ADAMTS4: variants seen among roughly 807,000 people sequenced by gnomAD.
ADAMTS4 encodes A disintegrin and metalloproteinase with thrombospondin motifs 4.
In ADAMTS4, 38 loss-of-function variants were observed where a neutral mutation model predicts 66.7. The observed-to-expected ratio is 0.57, with a 90% CI of 0.44 to 0.75. The LOEUF (loss-of-function observed/expected upper bound fraction) is 0.75, where lower values mean the gene tolerates loss of function less well. Ranked by LOEUF, ADAMTS4 falls within the 30% of genes least tolerant of loss-of-function variation. The probability of loss-of-function intolerance (pLI) is 0.00; values close to 1 mark genes in which losing one functional copy is unlikely to be tolerated. For missense variants in ADAMTS4, 1,014 were observed against 1,116.7 expected, an observed-to-expected ratio of 0.91 and a Z score of 1.31; for synonymous variants, 418 against 461.5, an observed-to-expected ratio of 0.91 and a Z score of 1.21.
rs751007880 is a variant in ADAMTS4, at chr1:161,193,287, C to T, written c.1837G>A (p.Val613Met). 16 of 1,613,934 alleles carry T rather than the reference C, an allele frequency of 9.9e-6. No homozygotes were observed. Among genetic ancestry groups the T allele is most frequent in the African/African-American group, 8.0e-5 (6 of 74,898 alleles). ...PMDWVPRYTG[V>M]APQDQCKLTC... Reference sequence around the variant, plus strand: ...AGTTTGCACTGGTCCTGGGGGGCCACGCCTGTGTAGCGAGGAACCCAGTCC... The same window carrying T: ...AGTTTGCACTGGTCCTGGGGGGCCATGCCTGTGTAGCGAGGAACCCAGTCC... Residue 613 changes from valine to methionine, a missense_variant, in exon 7 of 9, where the codon GTG (valine) becomes ATG (methionine). By Grantham distance (21) the Val-to-Met change is conservative. Transcript: ENST00000367996. This position sits in a 1 kb window ranked among gnomAD's most constrained non-coding sequence, Gnocchi z 4.4.
At position 161,190,488 on chromosome 1, in the gene ADAMTS4, G is replaced by A. The variant is rs1664637996; in HGVS notation, c.*650C>T. ...AGATTGTGCCATTGCACTCCAGCCT[G>A]GGCGACAGAGCGAGATTCTGTCTCA... On this transcript the variant is annotated 3_prime_UTR_variant, in exon 9 of 9. Transcript: ENST00000367996. The A allele has an allele frequency of 6.6e-6, 1 of 151,402 alleles. No homozygotes were observed. The highest frequency in any genetic ancestry group is 1.5e-5 in the Non-Finnish European group (1 of 67,814). The allele number at this position is 151,402 out of a possible 1,614,324, so 9.4% of individuals were successfully genotyped here. A position where few individuals can be genotyped will look rare whatever the true frequency, so the allele number is the denominator to read the frequency against.
rs1488490057 is a variant in ADAMTS4, at chr1:161,192,145, C to G, written c.2007G>C (p.Lys669Asn). 5.0e-6 allele frequency: 8 copies of G among 1,614,130 alleles called. No homozygotes were observed. The highest frequency in any genetic ancestry group is 6.8e-6 in the Non-Finnish European group (8 of 1,180,032). The change falls in exon 8 of 9, where the codon AAG (lysine) becomes AAC (asparagine). Residue 669 changes from lysine (K) to asparagine (N), a missense_variant. By Grantham distance (94) the Lys-to-Asn change is moderately conservative. Coordinates refer to ENST00000367996, the MANE Select transcript of ADAMTS4 (RefSeq NM_005099.6). ...ACACCATGCACTTGTCAAACTTCTT[C>G]TTGGAGCCAATGATGCGATCACAGC... ...HAGCDRIIGSKKKFDKCMVCG... is the reference protein window; with the variant it reads ...HAGCDRIIGSNKKFDKCMVCG...
rs201408900 is a variant in ADAMTS4 at position 161,193,928 on chromosome 1, A to T, written c.1548+7T>A. ...CCCTTTACCCCACCCCTGCCCTAGGATCTCACATTGAAGTCCTGGAGCTGG... is the reference window on the plus strand; with the variant it reads ...CCCTTTACCCCACCCCTGCCCTAGGTTCTCACATTGAAGTCCTGGAGCTGG... On this transcript the variant is annotated splice_region_variant and intron_variant, in intron 5 of 8. Coordinates refer to ENST00000367996, the MANE Select transcript of ADAMTS4 (RefSeq NM_005099.6). This position sits in a 1 kb window ranked among gnomAD's most constrained non-coding sequence, Gnocchi z 4.4. The T allele has an allele frequency of 1.3e-6, 2 of 1,570,994 alleles. No homozygotes were observed. The highest frequency in any genetic ancestry group is 4.5e-5 in the East Asian group (2 of 44,386).
chr1:161,197,593 A>G (rs1213418707), intron 1 of ADAMTS4: 1 of 191,278 alleles, frequency 5.2e-6, no homozygotes, highest in Non-Finnish European at 1.1e-5. Context: ...TAGGGCCTCA[A>G]ACCTGACTCC....
intron 3 of ADAMTS4, 79 bp from the exon 4 acceptor site, chr1:161,195,714 A>C: frequency 7.0e-7 from 1 of 1,421,102 alleles, no homozygotes; most frequent in Non-Finnish European, 9.6e-7. Flanking sequence ...ATCTGGCTGC[A>C]GCTGTGGATG....
At chr1:161,195,725 A>T in intron 3 of ADAMTS4, 90 bp from the exon 4 acceptor site, 2 of 1,317,280 alleles carry the variant, frequency 1.5e-6, no homozygotes, top group Non-Finnish European at 2.1e-6. Context: ...GCTGTGGATG[A>T]TCAGATCCAT....
chr1:161,193,172 G>A lies in ADAMTS4; in HGVS notation c.1911+41C>T. On this transcript the variant is annotated intron_variant, in intron 7 of 8. Coordinates refer to ENST00000367996, the MANE Select transcript of ADAMTS4 (RefSeq NM_005099.6). The surrounding 1 kb of genome is among the most constrained non-coding windows in gnomAD (Gnocchi z 4.4). ...AAAGCAGAGGGAGCACTGCGGGTGT[G>A]TGTGACCATAGACAGGGCCTGGGGG... is the stretch of plus-strand genomic sequence containing the variant. The A allele has an allele frequency of 1.3e-6, 2 of 1,583,018 alleles. No individual in the cohort carries two copies. Among genetic ancestry groups the A allele is most frequent in the Non-Finnish European group, 1.7e-6 (2 of 1,161,648 alleles).
chr1:161,196,134 T>G lies in ADAMTS4; in HGVS notation c.1090+37A>C, dbSNP rs757709535. The stretch of plus-strand genomic sequence containing the variant: ...ACTTGCTACCCCCTCCCCCACCTTC[T>G]CCTCCCTAATACCTTTCTCATCCAC... On this transcript the variant is annotated intron_variant, in intron 3 of 8. Transcript: ENST00000367996. The G allele has an allele frequency of 6.7e-6, 10 of 1,491,396 alleles. No homozygotes were observed. The South Asian group carries it at 1.4e-4, about 20-fold the overall frequency. The allele number at this position is 1,491,396 out of a possible 1,614,324, so 92.4% of individuals were successfully genotyped here.
chr1:161,186,590 G>A lies in ADAMTS4; in HGVS notation c.*4548C>T, dbSNP rs1302827531. On this transcript the variant is annotated 3_prime_UTR_variant, in exon 9 of 9. Transcript: ENST00000367996. ...ATTTAAAAGTGAATCTACACCTGTAGTCCAAGCTACTTAGGAGGCTGAGGT... is the reference window on the plus strand; with the variant it reads ...ATTTAAAAGTGAATCTACACCTGTAATCCAAGCTACTTAGGAGGCTGAGGT... 6.6e-6 allele frequency: 1 copy of A among 151,172 alleles called. No individual in the cohort carries two copies. Among genetic ancestry groups the A allele is most frequent in the Middle Eastern group, 3.2e-3 (1 of 316 alleles). The allele number at this position is 151,172 out of a possible 1,614,324, so 9.4% of individuals were successfully genotyped here.
chr1:161,191,112 C>T lies in ADAMTS4; in HGVS notation c.*26G>A, dbSNP rs764246778. ...CAGCTAAGTCCGAGGCCCCGGTGCC[C>T]AGAAAGGGCAGCCGGGATAGTGAGG... On this transcript the variant is annotated 3_prime_UTR_variant, in exon 9 of 9. Transcript: ENST00000367996. 1.8e-5 allele frequency: 27 copies of T among 1,517,504 alleles called. No homozygotes were observed. Among genetic ancestry groups the T allele is most frequent in the Admixed American group, 2.2e-5 (1 of 46,052 alleles). 94.0% of individuals were successfully genotyped at this position (1,517,504 alleles called of 1,614,324 possible).
At position 161,195,692 on chromosome 1, in the gene ADAMTS4, A is replaced by C. The variant is rs1664802353; in HGVS notation, c.1091-57T>G. Reference sequence around the variant, plus strand: ...GGGTCCCTTCCCCATGCCCTGAGGGACTCCATAATAAATCTGGCTGCAGCT... The same window carrying C: ...GGGTCCCTTCCCCATGCCCTGAGGGCCTCCATAATAAATCTGGCTGCAGCT... On this transcript the variant is annotated intron_variant, in intron 3 of 8. Transcript: ENST00000367996. The C allele has an allele frequency of 2.0e-6, 3 of 1,500,860 alleles. No individual in the cohort carries two copies. In the South Asian group the frequency reaches 3.8e-5, roughly 19 times the overall value. 93.0% of individuals were successfully genotyped at this position (1,500,860 alleles called of 1,614,324 possible). A position where few individuals can be genotyped will look rare whatever the true frequency, so the allele number is the denominator to read the frequency against.
intron 2 of ADAMTS4, 38 bp from the exon 3 acceptor site, chr1:161,196,341 A>G (rs199666462): frequency 1.9e-6 from 3 of 1,572,038 alleles, no homozygotes; most frequent in Non-Finnish European, 2.6e-6. Context: ...TAGACAGCCA[A>G]GACACCTGGG....
rs1571586592 is a variant in ADAMTS4 at position 161,197,193 on chromosome 1, G to C, written c.634-313C>G. On this transcript the variant is annotated intron_variant, in intron 1 of 8. Coordinates refer to ENST00000367996, the MANE Select transcript of ADAMTS4 (RefSeq NM_005099.6). The stretch of plus-strand genomic sequence containing the variant: ...CTGGACTGCCGTCAGGAGGGACTTT[G>C]GGGTTCTCCAGGCCTGAGTGTGGCT... 3 of 318,938 alleles carry C rather than the reference G, an allele frequency of 9.4e-6. No homozygotes were observed. The East Asian group carries it at 2.3e-4, about 25-fold the overall frequency. The allele number at this position is 318,938 out of a possible 1,614,324, so 19.8% of individuals were successfully genotyped here. A position where few individuals can be genotyped will look rare whatever the true frequency, so the allele number is the denominator to read the frequency against.
chr1:161,197,232 C>G (rs1664881592), intron 1 of ADAMTS4: 1 of 268,230 alleles, frequency 3.7e-6, no homozygotes. Flanking sequence ...GCCTATGGGA[C>G]CAGGGCTAGA....
In ADAMTS4 at chr1:161,191,424, G is replaced by A. The variant is rs746084090; in HGVS notation, c.2228C>T (p.Thr743Met). Residue 743 changes from threonine to methionine, a missense_variant, in exon 9 of 9, where the codon ACG becomes ATG. Thr to Met is a moderately conservative substitution (Grantham distance 81). Coordinates refer to ENST00000367996, the MANE Select transcript of ADAMTS4 (RefSeq NM_005099.6). ...DGSYALNGEY[T>M]LMPSPTDVVL... ...CACATCTGTGGGGGAGGGCATCAGC[G>A]TGTATTCACCATTGAGGGCATAGGA... 2.7e-5 allele frequency: 44 copies of A among 1,614,042 alleles called. No individual in the cohort carries two copies. Among genetic ancestry groups the A allele is most frequent in the African/African-American group, 8.0e-5 (6 of 74,946 alleles).
rs1035763411 is a variant in ADAMTS4 at position 161,194,692 on chromosome 1, T to C, written c.1262-471A>G. Among the ~76,000 whole-genome samples the C allele has an allele frequency of 6.6e-6, 1 of 152,206 alleles. No individual in the cohort carries two copies. The highest frequency in any genetic ancestry group is 1.5e-5 in the Non-Finnish European group (1 of 68,032). The stretch of plus-strand genomic sequence containing the variant: ...GTGTAAGCCACTGTGCCTAGCCCTG[T>C]AAGAGGCTTTAATGGGCAGCTATAG... On this transcript the variant is annotated intron_variant, in intron 4 of 8. Transcript: ENST00000367996. This position sits in a 1 kb window ranked among gnomAD's most constrained non-coding sequence, Gnocchi z 4.1.
chr1:161,195,946 C>G (rs1664814158), intron 3 of ADAMTS4: 1 of 565,154 alleles, frequency 1.8e-6, no homozygotes, highest in Non-Finnish European at 3.0e-6. Context: ...CACACACACA[C>G]ACACACACAC....
rs565963703 is a variant in ADAMTS4 at position 161,187,500 on chromosome 1, G to A, written c.*3638C>T. 1 of 152,528 alleles carries A rather than the reference G, an allele frequency of 6.6e-6. No homozygotes were observed. The highest frequency in any genetic ancestry group is 2.1e-4 in the South Asian group (1 of 4,832). 9.4% of individuals were successfully genotyped at this position (152,528 alleles called of 1,614,324 possible). On this transcript the variant is annotated 3_prime_UTR_variant, in exon 9 of 9. Coordinates refer to ENST00000367996, the MANE Select transcript of ADAMTS4 (RefSeq NM_005099.6). ...GTGTTTACTGGAGAGAAGAGAGTGT[G>A]GGCAGTCTTTTCTCATTGCTGCAGA...
At position 161,190,516 on chromosome 1, in the gene ADAMTS4, A is replaced by G. The variant is rs1664639979; in HGVS notation, c.*622T>C. ...CGACAGAGCGAGATTCTGTCTCAAA[A>G]AAAAAAAAGAAAGAAAGAAAGAAAA... is the stretch of plus-strand genomic sequence containing the variant. On this transcript the variant is annotated 3_prime_UTR_variant, in exon 9 of 9. Coordinates refer to ENST00000367996, the MANE Select transcript of ADAMTS4 (RefSeq NM_005099.6). 1 of 150,642 alleles carries G rather than the reference A, an allele frequency of 6.6e-6. No homozygotes were observed. Among genetic ancestry groups the G allele is most frequent in the African/African-American group, 2.4e-5 (1 of 41,258 alleles). 9.3% of individuals were successfully genotyped at this position (150,642 alleles called of 1,614,324 possible). A position where few individuals can be genotyped will look rare whatever the true frequency, so the allele number is the denominator to read the frequency against.
Sources: gnomAD v4.1 joint callset for allele counts (sites outside exome capture counted in the v4.1 genomes callset) on GRCh38, gnomAD v4.1.1 for gene constraint, Gnocchi (gnomAD v3.1) non-coding constraint, MANE v1.5 for transcripts, NCBI Gene and HGNC (gene_info 2026-07-23, HGNC 2026-07-21) for gene names.